The following TMSB15B variants were observed in gnomAD, a reference collection of about 807,000 sequenced individuals.
TMSB15B encodes the protein thymosin beta 15B.
chrX:103,922,869 T>C (rs1317341013), intron 1 of TMSB15B, among the ~76,000 whole-genome samples: 4 of 112,258 alleles, frequency 3.6e-5, no homozygotes, highest in African/African-American at 1.3e-4. Flanking sequence ...CCAGCACCTG[T>C]TGTTTCCTGA....
At chrX:103,922,537 C>T (rs2074956589) in intron 1 of TMSB15B, among the ~76,000 whole-genome samples, 1 of 110,688 alleles carries the variant, frequency 9.0e-6, no homozygotes, top group Non-Finnish European at 1.9e-5. Flanking sequence ...GACATGAACT[C>T]GTCCTTTTTT....
At chrX:103,948,613 A>G (rs1380867750) in intron 1 of TMSB15B, among the ~76,000 whole-genome samples, 1 of 112,821 alleles carries the variant, frequency 8.9e-6, no homozygotes, top group East Asian at 2.8e-4. Flanking sequence ...CACCTCTATC[A>G]GTTACAGTAT....
At chrX:103,933,641 A>G (rs782380827) in intron 1 of TMSB15B, among the ~76,000 whole-genome samples, 1 of 111,688 alleles carries the variant, frequency 9.0e-6, no homozygotes, top group South Asian at 3.8e-4. Flanking sequence ...TGAACATTAT[A>G]TACTTTATAA....
chrX:103,920,179 A>G (rs1330379773), intron 1 of TMSB15B, among the ~76,000 whole-genome samples: 1 of 112,404 alleles, frequency 8.9e-6, no homozygotes, highest in African/African-American at 3.2e-5. Context: ...TCAGAGAGGT[A>G]AAATGATTTG....
intron 1 of TMSB15B, among the ~76,000 whole-genome samples, chrX:103,936,246 T>G (rs2074997535): frequency 8.9e-6 from 1 of 111,943 alleles, no homozygotes; most frequent in Non-Finnish European, 1.9e-5. Context: ...TTGGGCAGTA[T>G]GGCCATTTTC....
intron 1 of TMSB15B, among the ~76,000 whole-genome samples, chrX:103,944,068 G>C (rs1423871499): frequency 8.9e-6 from 1 of 112,094 alleles, no homozygotes; most frequent in Non-Finnish European, 1.9e-5. Flanking sequence ...AATTTGCCTT[G>C]ACTTGTGATT....
intron 1 of TMSB15B, chrX:103,928,523 A>G: frequency 1.7e-6 from 2 of 1,197,149 alleles, no homozygotes; most frequent in Non-Finnish European, 2.3e-6. Context: ...AATGTGCTCC[A>G]GGATGGTTGC....
intron 1 of TMSB15B, among the ~76,000 whole-genome samples, chrX:103,950,172 G>A (rs1309940729): frequency 9.0e-6 from 1 of 111,561 alleles, no homozygotes; most frequent in Non-Finnish European, 1.9e-5. Context: ...ATGTGTCCAA[G>A]AGAGAATGGG....
chrX:103,953,243 G>A (rs1197321967), intron 1 of TMSB15B, among the ~76,000 whole-genome samples: 4 of 111,518 alleles, frequency 3.6e-5, no homozygotes, highest in Middle Eastern at 4.7e-3. Flanking sequence ...ACTCCATCAG[G>A]GCCTTCAGTC....
chrX:103,948,544 A>C (rs1389806783), intron 1 of TMSB15B, among the ~76,000 whole-genome samples: 2 of 112,666 alleles, frequency 1.8e-5, no homozygotes, highest in Admixed American at 1.9e-4. Context: ...ATGAGGATGG[A>C]AATGCATTAG....
chrX:103,942,807 T>A (rs1398832520), intron 1 of TMSB15B, among the ~76,000 whole-genome samples: 2 of 111,746 alleles, frequency 1.8e-5, no homozygotes, highest in African/African-American at 6.5e-5. Context: ...GCTTAATTTT[T>A]AAACAATTAC....
intron 1 of TMSB15B, chrX:103,928,469 G>T: frequency 2.5e-6 from 3 of 1,204,132 alleles, no homozygotes; most frequent in Non-Finnish European, 3.4e-6. Context: ...ATCATGTCTG[G>T]CCTGGTGGAG....
chrX:103,919,811 G>T (rs2074946435), intron 1 of TMSB15B, among the ~76,000 whole-genome samples: 1 of 112,187 alleles, frequency 8.9e-6, no homozygotes, highest in Admixed American at 9.4e-5. Context: ...ACTGTATCCC[G>T]CAGCAAAGAA....
intron 1 of TMSB15B, chrX:103,928,075 C>T (rs782639524): frequency 1.6e-4 from 160 of 991,094 alleles, no homozygotes; most frequent in African/African-American, 3.3e-4. Flanking sequence ...GTTTCTTCCA[C>T]CTGCACCCAG....
intron 1 of TMSB15B, among the ~76,000 whole-genome samples, chrX:103,919,810 C>G (rs1345858574): frequency 8.9e-6 from 1 of 112,213 alleles, no homozygotes; most frequent in South Asian, 3.7e-4. Context: ...CACTGTATCC[C>G]GCAGCAAAGA....
At chrX:103,932,804 T>C (rs781897421) in intron 1 of TMSB15B, 2 of 111,619 alleles carry the variant, frequency 1.8e-5, no homozygotes, top group Admixed American at 1.9e-4. Flanking sequence ...TTTTCTGATA[T>C]AAAAAATGAC....
At chrX:103,939,787 C>A (rs782612601) in intron 1 of TMSB15B, among the ~76,000 whole-genome samples, 1 of 111,862 alleles carries the variant, frequency 8.9e-6, no homozygotes, top group Non-Finnish European at 1.9e-5. Context: ...TCCTCATCTT[C>A]GTGGGTTTAT....
At chrX:103,954,193 C>T (rs1328964626) in intron 1 of TMSB15B, among the ~76,000 whole-genome samples, 5 of 112,253 alleles carry the variant, frequency 4.5e-5, no homozygotes, top group Non-Finnish European at 9.4e-5. Flanking sequence ...GGCATGGCCA[C>T]CCCTTTAAGC....
chrX:103,948,041 G>C (rs1428572244), intron 1 of TMSB15B, among the ~76,000 whole-genome samples: 1 of 111,160 alleles, frequency 9.0e-6, no homozygotes, highest in Non-Finnish European at 1.9e-5. Context: ...GCCTGTCGGG[G>C]AGCGGGGGGC....
Sources: gnomAD v4.1 joint callset for allele counts (sites outside exome capture counted in the v4.1 genomes callset) on GRCh38, gnomAD v4.1.1 for gene constraint, MANE v1.5 for transcripts, NCBI Gene and HGNC (gene_info 2026-07-23, HGNC 2026-07-21) for gene names.